Variants in RBMS3 observed in about 807,000 individuals in gnomAD.
RBMS3 encodes RNA binding motif single stranded interacting protein 3.
RBMS3 carries 27 observed loss-of-function variants against 66.8 expected under a neutral mutation model. The ratio of observed to expected loss-of-function variants is 0.40; its 90% CI spans 0.30 to 0.56. RBMS3 has a LOEUF of 0.56. Among genes scored for constraint, RBMS3 ranks in the 20% least tolerant of loss-of-function variants. RBMS3 has a pLI of 0.40. For missense variants in RBMS3, 513 were observed against 549.5 expected (o/e 0.93, Z 0.66); for synonymous variants, 188 against 183.0 (o/e 1.03, Z -0.22).
intron 4 of RBMS3, among the ~76,000 whole-genome samples, chr3:29,633,846 T>C (rs760990129): frequency 6.6e-6 from 1 of 151,852 alleles, no homozygotes; most frequent in Admixed American, 6.6e-5. Flanking sequence ...CCATTCCACA[T>C]TTTATCTGCT....
chr3:29,823,215 C>G (rs1480332059), intron 6 of RBMS3, among the ~76,000 whole-genome samples: 1 of 152,132 alleles, frequency 6.6e-6, no homozygotes, highest in African/African-American at 2.4e-5. Context: ...ATGACCTCTT[C>G]ATTTTCTTCC....
At chr3:29,905,080 A>C (rs1359290880) in intron 10 of RBMS3, among the ~76,000 whole-genome samples, 1 of 151,890 alleles carries the variant, frequency 6.6e-6, no homozygotes, top group Non-Finnish European at 1.5e-5. Flanking sequence ...TTCCGTAAAA[A>C]GCCAAACAGT....
At chr3:29,408,934 G>T (rs1445904620) in intron 1 of RBMS3, among the ~76,000 whole-genome samples, 4 of 152,162 alleles carry the variant, frequency 2.6e-5, no homozygotes, top group East Asian at 1.9e-4. Context: ...TAATTAGTCT[G>T]CTATTGCAGT....
intron 1 of RBMS3, among the ~76,000 whole-genome samples, chr3:29,282,617 G>C (rs1369878002): frequency 6.6e-6 from 1 of 152,128 alleles, no homozygotes; most frequent in Non-Finnish European, 1.5e-5. Context: ...GCTCCGATTT[G>C]TCAATTAAAT....
chr3:29,309,838 A>C (rs2034263641), intron 1 of RBMS3, among the ~76,000 whole-genome samples: 1 of 151,718 alleles, frequency 6.6e-6, no homozygotes, highest in Non-Finnish European at 1.5e-5. Context: ...GCTGGAGGGC[A>C]GGTGAAGAAG....
At chr3:29,705,144 C>T (rs2052821290) in intron 4 of RBMS3, among the ~76,000 whole-genome samples, 1 of 152,206 alleles carries the variant, frequency 6.6e-6, no homozygotes, top group African/African-American at 2.4e-5. Context: ...AATCCTATTA[C>T]ACCTTACCAA....
chr3:29,574,902 C>T (rs974176915), intron 3 of RBMS3, among the ~76,000 whole-genome samples: 1 of 151,770 alleles, frequency 6.6e-6, no homozygotes, highest in African/African-American at 2.4e-5. Context: ...ACTTCATCCC[C>T]TGCTTTTTAA....
intron 1 of RBMS3, among the ~76,000 whole-genome samples, chr3:29,403,458 G>C (rs2039892602): frequency 6.6e-6 from 1 of 152,036 alleles, no homozygotes; most frequent in African/African-American, 2.4e-5. Flanking sequence ...CACTTGCATA[G>C]CTAACTTTGC....
chr3:29,553,110 C>G (rs1193430439), intron 3 of RBMS3, among the ~76,000 whole-genome samples: 2 of 152,118 alleles, frequency 1.3e-5, no homozygotes, highest in East Asian at 3.9e-4. Context: ...CTGTGTCTTG[C>G]CCATAAGTTC....
intron 4 of RBMS3, among the ~76,000 whole-genome samples, chr3:29,606,963 A>G (rs957275525): frequency 1.3e-5 from 2 of 152,012 alleles, no homozygotes; most frequent in African/African-American, 4.8e-5. Context: ...CAGGCAAACT[A>G]TGCCAGATAA....
chr3:29,854,030 G>T (rs1344001760), intron 6 of RBMS3, among the ~76,000 whole-genome samples: 1 of 152,090 alleles, frequency 6.6e-6, no homozygotes, highest in Non-Finnish European at 1.5e-5. Context: ...TTGTTTGTTT[G>T]TTTTTTGAAA....
At chr3:29,322,109 A>C (rs1575540154) in intron 1 of RBMS3, among the ~76,000 whole-genome samples, 1 of 152,000 alleles carries the variant, frequency 6.6e-6, no homozygotes, top group East Asian at 1.9e-4. Flanking sequence ...CCATCTATGA[A>C]GGGCTCTTCC....
At chr3:29,392,778 A>G (rs1423518018) in intron 1 of RBMS3, among the ~76,000 whole-genome samples, 1 of 152,172 alleles carries the variant, frequency 6.6e-6, no homozygotes, top group Non-Finnish European at 1.5e-5. Flanking sequence ...ACAGTTATAC[A>G]TCTATGATGG....
In RBMS3 at chr3:29,762,910, A is replaced by G. The variant is rs779082369; in HGVS notation, c.558A>G (p.Arg186=). 5.6e-6 allele frequency: 9 copies of G among 1,599,124 alleles called. No individual in the cohort carries two copies. The South Asian group carries it at 1.0e-4, about 18-fold the overall frequency. ...NGVSRGVGFA[R]MESTEKCEVV... ...CCTCTGGTTTACCTTTTTTTCCCAG[A>G]ATGGAGTCTACTGAAAAATGTGAAG... Residue 186 remains arginine, a splice_region_variant and synonymous_variant, in exon 6 of 15, where the codon AGA becomes AGG. Coordinates refer to ENST00000383767, the MANE Select transcript of RBMS3 (RefSeq NM_001003793.3).
chr3:30,000,539 G>A (rs1185575500), intron 14 of RBMS3, among the ~76,000 whole-genome samples: 1 of 152,088 alleles, frequency 6.6e-6, no homozygotes, highest in Non-Finnish European at 1.5e-5. Flanking sequence ...CCATTACTGG[G>A]TATATACCCA....
rs763922967 is a variant in RBMS3, at chr3:29,899,734, G to A, written c.918G>A (p.Pro306=). 5 of 1,610,176 alleles carry A rather than the reference G, an allele frequency of 3.1e-6. No homozygotes were observed. Among genetic ancestry groups the A allele is most frequent in the South Asian group, 1.1e-5 (1 of 90,922 alleles). ...AGAGTACTTCATGGATGCCTCATCC[G>A]CCATACGTTATGCAACCAACAGTAA... ...QVQSTSWMPH[P]PYVMQPTGAV... The change falls in exon 10 of 15, where the codon CCG becomes CCA. Residue 306 remains proline, a synonymous_variant. Transcript: ENST00000383767.
In RBMS3 at chr3:29,387,473, C is replaced by T. The variant is rs551151321; in HGVS notation, c.76-47270C>T. On this transcript the variant is annotated intron_variant, in intron 1 of 14. Coordinates refer to ENST00000383767, the MANE Select transcript of RBMS3 (RefSeq NM_001003793.3). ...TCTACTTGACTGTTTTTCACATTTC[C>T]GTCTCTGTAATCCTGGTCCAGACCT... 3.9e-5 allele frequency among the ~76,000 whole-genome samples: 6 copies of T among 152,252 alleles called. No homozygotes were observed. In the East Asian group the frequency reaches 5.8e-4, roughly 15 times the overall value.
At chr3:29,573,712 C>T (rs1054823165) in intron 3 of RBMS3, among the ~76,000 whole-genome samples, 1 of 152,010 alleles carries the variant, frequency 6.6e-6, no homozygotes, top group Non-Finnish European at 1.5e-5. Flanking sequence ...CTATAAACTT[C>T]CCTCTGAGTA....
intron 1 of RBMS3, among the ~76,000 whole-genome samples, chr3:29,341,548 C>A (rs557486631): frequency 2.2e-4 from 34 of 151,804 alleles, no homozygotes; most frequent in African/African-American, 8.2e-4. Flanking sequence ...TTCAATTTGA[C>A]CAGCAAGGTT....
Sources: gnomAD v4.1 joint callset for allele counts (sites outside exome capture counted in the v4.1 genomes callset) on GRCh38, gnomAD v4.1.1 for gene constraint, MANE v1.5 for transcripts, NCBI Gene and HGNC (gene_info 2026-07-23, HGNC 2026-07-21) for gene names.